Variants in UFSP2 observed in about 807,000 individuals in gnomAD.
UFSP2 encodes UFM1 specific peptidase 2.
A neutral mutation model predicts 60.2 loss-of-function variants in UFSP2; 43 were observed. The ratio of observed to expected loss-of-function variants is 0.71; its 90% CI spans 0.56 to 0.92. The LOEUF (loss-of-function observed/expected upper bound fraction) is 0.92. UFSP2 is among the 40% of genes least tolerant of loss of function. The pLI is 0.00. For missense variants in UFSP2, 520 were observed against 575.0 expected (o/e 0.90, Z 0.98); for synonymous variants, 183 against 195.1 (o/e 0.94, Z 0.52).
chr4:185,401,797 G>C (rs2095513541), intron 11 of UFSP2, among the ~76,000 whole-genome samples: 1 of 152,166 alleles, frequency 6.6e-6, no homozygotes, highest in African/African-American at 2.4e-5. Context: ...AAAGAAATCA[G>C]GGACAATCCC....
chr4:185,418,550 T>A (rs2095543461), intron 3 of UFSP2, 37 bp downstream of exon 3: 1 of 1,610,460 alleles, frequency 6.2e-7, no homozygotes, highest in Non-Finnish European at 8.5e-7. Flanking sequence ...GAAATGATGT[T>A]TTGAAAACAT....
At position 185,408,420 on chromosome 4, in the gene UFSP2, C is replaced by A. The variant is rs2095524009; in HGVS notation, c.847G>T (p.Gly283Cys). ...ATATAATGATGATAGCCATATATGC[C>A]CTGGACCACATAAATCTATATACAG... ...METGMIYVVQGIYGYHHYMQD... is the reference protein window; with the variant it reads ...METGMIYVVQCIYGYHHYMQD... Residue 283 changes from glycine to cysteine, a missense_variant, in exon 8 of 12, where the codon GGC becomes TGC. Transcript: ENST00000264689. 6.2e-7 allele frequency: 1 copy of A among 1,613,610 alleles called. No homozygotes were observed. The highest frequency in any genetic ancestry group is 1.3e-5 in the African/African-American group (1 of 74,802).
intron 5 of UFSP2, 69 bp downstream of exon 5, chr4:185,415,641 G>T: frequency 1.5e-6 from 2 of 1,365,850 alleles, no homozygotes; most frequent in South Asian, 1.3e-5. Flanking sequence ...ATACCTACAG[G>T]ATATACAAAC....
At chr4:185,423,427 GAATC>G (rs1187548855) in intron 1 of UFSP2, among the ~76,000 whole-genome samples, 3 of 152,154 alleles carry the variant, frequency 2.0e-5, no homozygotes, top group Non-Finnish European at 2.9e-5. Context: ...ATGGCAGTAA[GAATC>G]AAAGGTTTAT....
intron 11 of UFSP2, chr4:185,402,462 G>A (rs780889947): frequency 8.3e-6 from 3 of 359,618 alleles, no homozygotes; most frequent in Non-Finnish European, 1.1e-5. Flanking sequence ...ATATAACAGA[G>A]TTGGACTACA....
chr4:185,400,335 T>C lies in UFSP2; in HGVS notation c.*57A>G, dbSNP rs2095511784. 1.5e-6 allele frequency: 2 copies of C among 1,352,424 alleles called. No homozygotes were observed. The allele number at this position is 1,352,424 out of a possible 1,614,324, so 83.8% of individuals were successfully genotyped here. ...GATTTAATGTGAAAAATTAAACTGA[T>C]TCTTTATTCACAAATTTATAATACC... On this transcript the variant is annotated 3_prime_UTR_variant, in exon 12 of 12. Transcript: ENST00000264689.
At chr4:185,408,456 C>T in intron 7 of UFSP2, 21 bp from the exon 8 acceptor site, 7 of 1,606,260 alleles carry the variant, frequency 4.4e-6, no homozygotes, top group Non-Finnish European at 6.0e-6. Context: ...AGAAGAAACA[C>T]AGTAAAATAT....
chr4:185,412,673 G>A (rs944862818), intron 7 of UFSP2, among the ~76,000 whole-genome samples: 5 of 152,124 alleles, frequency 3.3e-5, no homozygotes, highest in Admixed American at 1.3e-4. Flanking sequence ...AGGGTATGAG[G>A]TGGAGCAGAC....
chr4:185,402,945 A>G (rs1412613089), intron 11 of UFSP2, among the ~76,000 whole-genome samples: 2 of 152,236 alleles, frequency 1.3e-5, no homozygotes, highest in Non-Finnish European at 2.9e-5. Context: ...CTGAGTTTTC[A>G]TATGTGAGAA....
In UFSP2 at chr4:185,404,634, C is replaced by T. The variant is rs893847050; in HGVS notation, c.1199-1016G>A. ...ACAGAGTCTTGCTCTGCTACCCAGG[C>T]TGGAGTACAGTGGGCAATCCCGGCT... On this transcript the variant is annotated intron_variant, in intron 10 of 11. Transcript: ENST00000264689. 2.7e-5 allele frequency among the ~76,000 whole-genome samples: 4 copies of T among 150,898 alleles called. No homozygotes were observed. In the South Asian group the frequency reaches 6.3e-4, roughly 24 times the overall value.
chr4:185,418,886 CAAT>C (rs967082283), intron 2 of UFSP2, 116 bp from the exon 3 acceptor site: 82 of 784,012 alleles, frequency 1.0e-4, no homozygotes, highest in Non-Finnish European at 1.5e-4. Context: ...TCCCCATATT[CAAT>C]AATAATTTCA....
intron 6 of UFSP2, 86 bp from the exon 7 acceptor site, chr4:185,413,958 G>A (rs1283005903): frequency 8.0e-7 from 1 of 1,244,530 alleles, no homozygotes; most frequent in Non-Finnish European, 1.1e-6. Flanking sequence ...ATTAAACATG[G>A]AAAATTATAT....
At chr4:185,422,644 G>C in intron 1 of UFSP2, 81 bp from the exon 2 acceptor site, 1 of 895,200 alleles carries the variant, frequency 1.1e-6, no homozygotes, top group Non-Finnish European at 1.7e-6. Context: ...TCTAAGTTTA[G>C]TGTTAAGACA....
rs780042352 is a variant in UFSP2 at position 185,418,522 on chromosome 4, C to T, written c.267-15G>A. On this transcript the variant is annotated splice_polypyrimidine_tract_variant and intron_variant, in intron 3 of 11. Transcript: ENST00000264689. The stretch of plus-strand genomic sequence containing the variant: ...CTGGCTCAAATCTAAATTTTTAATA[C>T]ACAGACATTTATAATATGAAATGAT... 5 of 1,610,306 alleles carry T rather than the reference C, an allele frequency of 3.1e-6. No individual in the cohort carries two copies. The highest frequency in any genetic ancestry group is 3.4e-6 in the Non-Finnish European group (4 of 1,178,416).
intron 11 of UFSP2, 52 bp downstream of exon 11, chr4:185,403,442 C>T: frequency 6.3e-7 from 1 of 1,593,170 alleles, no homozygotes; most frequent in Non-Finnish European, 8.5e-7. Flanking sequence ...TGTGATCCTT[C>T]ATTTCTAGCT....
In UFSP2 at chr4:185,407,952, T is replaced by C. The variant is rs1271252322; in HGVS notation, c.1105A>G (p.Lys369Glu). Residue 369 changes from lysine to glutamate, a missense_variant, in exon 9 of 12, where the codon AAA becomes GAA. Transcript: ENST00000264689. The part of the protein sequence containing the change: ...VLNQLIGITS[K>E]ILFVSQGSEI... ...TGTGCTTACCTGACAAACAGGATTT[T>C]TGACGTTATACCGATCAATTGGTTT... The C allele has an allele frequency of 1.2e-6, 2 of 1,613,816 alleles. No homozygotes were observed. The highest frequency in any genetic ancestry group is 1.7e-5 in the Admixed American group (1 of 59,962).
chr4:185,408,840 CT>C (rs1384400539), intron 7 of UFSP2, among the ~76,000 whole-genome samples: 1 of 152,182 alleles, frequency 6.6e-6, no homozygotes. Flanking sequence ...TGTCAAAGGT[CT>C]TCCTTGACCA....
At chr4:185,411,333 C>G (rs972499325) in intron 7 of UFSP2, among the ~76,000 whole-genome samples, 4 of 151,556 alleles carry the variant, frequency 2.6e-5, no homozygotes. Context: ...TACCAAATGA[C>G]CAAGGAAAGA....
chr4:185,399,818 C>T lies in UFSP2; in HGVS notation c.*574G>A. The T allele has an allele frequency of 6.2e-7, 1 of 1,610,350 alleles. No homozygotes were observed. Among genetic ancestry groups the T allele is most frequent in the Non-Finnish European group, 8.5e-7 (1 of 1,177,816 alleles). ...TGCTTTTTTCCTCCCGCAGTGATCT[C>T]TTGTTTGCATAGCATTTATTATTCC... On this transcript the variant is annotated 3_prime_UTR_variant, in exon 12 of 12. Transcript: ENST00000264689.
Sources: gnomAD v4.1 joint callset for allele counts (sites outside exome capture counted in the v4.1 genomes callset) on GRCh38, gnomAD v4.1.1 for gene constraint, MANE v1.5 for transcripts, NCBI Gene and HGNC (gene_info 2026-07-23, HGNC 2026-07-21) for gene names.